Variants in RBM12 observed in about 807,000 individuals in gnomAD.
RBM12 encodes the protein RNA-binding protein 12.
Under a neutral mutation model 37.2 loss-of-function variants are expected in RBM12, and 24 were observed. The observed-to-expected ratio is 0.65, with a 90% confidence interval of 0.47 to 0.91. The LOEUF is 0.91. RBM12 is among the 40% of genes least tolerant of loss of function. The pLI is 0.00. For missense variants in RBM12, 1,061 were observed against 1,183.2 expected, an observed-to-expected ratio of 0.90 and a Z score of 1.52; for synonymous variants, 420 against 425.2, an observed-to-expected ratio of 0.99 and a Z score of 0.15.
At chr20:35,658,802 AAC>A (rs10542710) in intron 2 of RBM12, 126 bp downstream of exon 2, 204,650 of 469,288 alleles carry the variant, frequency 0.44, 26,592 homozygotes, top group Admixed American at 0.51. Context: ...AGCAAACAAA[AAC>A]ACACACACAC....
Position 35,652,586 on chromosome 20 carries a change from C to A in RBM12, c.2737G>T (p.Ala913Ser). 2 of 1,614,178 alleles carry A rather than the reference C, an allele frequency of 1.2e-6. No homozygotes were observed. The highest frequency in any genetic ancestry group is 1.7e-6 in the Non-Finnish European group (2 of 1,180,026). Reference protein sequence around the residue: ...AFESRDEATAAVIDLNDRPIG... With the variant: ...AFESRDEATASVIDLNDRPIG... ...GGCCTGTCATTTAAGTCAATGACAG[C>A]AGCTGTGGCTTCATCCCGAGACTCA... Residue 913 changes from alanine (A) to serine (S), a missense_variant, in exon 3 of 3, where the codon GCT becomes TCT. Coordinates refer to ENST00000374114, the MANE Select transcript of RBM12 (RefSeq NM_006047.6).
At chr20:35,662,681 A>G (rs1028791422) in intron 1 of RBM12, among the ~76,000 whole-genome samples, 1 of 152,224 alleles carries the variant, frequency 6.6e-6, no homozygotes, top group African/African-American at 2.4e-5. Flanking sequence ...AATGGAGTAA[A>G]AACTATCAAC....
Position 35,653,349 on chromosome 20 carries a change from G to C in RBM12, c.1974C>G (p.Pro658=). ...GTCCTGCACTGGGCAGTCCCACACC[G>C]GGCAGTCCCGCATTGGGCATTCCTG... ...AVPGMPNAGL[P]GVGLPSAGLP... is the part of the protein sequence containing the mutation. Residue 658 remains proline (P), a synonymous_variant, in exon 3 of 3, where the codon CCC becomes CCG. Coordinates refer to ENST00000374114, the MANE Select transcript of RBM12 (RefSeq NM_006047.6). 2 of 1,614,012 alleles carry C rather than the reference G, an allele frequency of 1.2e-6. No homozygotes were observed. Among genetic ancestry groups the C allele is most frequent in the Non-Finnish European group, 1.7e-6 (2 of 1,179,972 alleles).
rs1457618659 is a variant in RBM12, at chr20:35,653,195, C to T, written c.2128G>A (p.Val710Ile). The T allele has an allele frequency of 1.9e-6, 3 of 1,613,382 alleles. No individual in the cohort carries two copies. Among genetic ancestry groups the T allele is most frequent in the African/African-American group, 2.7e-5 (2 of 74,932 alleles). ...CCATTATTGGCTTCCTTTGATCCTA[C>T]AGTCAGGAAGGCATGCTCTTCACCT... The part of the protein sequence containing the change: ...AGGEEHAFLT[V>I]GSKEANNGPP... The change falls in exon 3 of 3, where the codon GTA (valine) becomes ATA (isoleucine). Residue 710 changes from valine (V) to isoleucine (I), a missense_variant. This residue lies in a region of RBM12 where 517 missense variants were observed against 534.0 expected (regional missense o/e 0.97). Transcript: ENST00000374114.
rs1233486442 is a variant in RBM12 at position 35,653,811 on chromosome 20, T to C, written c.1512A>G (p.Pro504=). The stretch of plus-strand genomic sequence containing the variant: ...TTTCTAGCATACCTTTCTTAGTAAT[T>C]GGATGAACTTGAATAAAGCGATTGC... ...YMGNRFIQVH[P]ITKKGMLEKI... The change falls in exon 3 of 3, where the codon CCA becomes CCG. Residue 504 remains proline (P), a synonymous_variant. Coordinates refer to ENST00000374114, the MANE Select transcript of RBM12 (RefSeq NM_006047.6). The C allele has an allele frequency of 6.2e-7, 1 of 1,613,936 alleles. No homozygotes were observed. Among genetic ancestry groups the C allele is most frequent in the Non-Finnish European group, 8.5e-7 (1 of 1,180,040 alleles).
At chr20:35,655,486 C>G in intron 2 of RBM12, 142 bp from the exon 3 acceptor site, 2 of 725,968 alleles carry the variant, frequency 2.8e-6, no homozygotes, top group Non-Finnish European at 4.3e-6. Flanking sequence ...TTTAGATATT[C>G]TAAAAACTGA....
chr20:35,654,705 G>A lies in RBM12; in HGVS notation c.618C>T (p.Pro206=), dbSNP rs2033785835. 1.2e-6 allele frequency: 2 copies of A among 1,613,794 alleles called. No individual in the cohort carries two copies. Among genetic ancestry groups the A allele is most frequent in the Non-Finnish European group, 1.7e-6 (2 of 1,179,718 alleles). The change falls in exon 3 of 3, where the codon CCC becomes CCT. Residue 206 remains proline (P), a synonymous_variant. Transcript: ENST00000374114. ...GTACTGGAGGAGGAACTGGAATTGG[G>A]GGAATGGATGGCATTGGTGGCAGAG... The part of the protein sequence containing the change: ...MPSLPPMPSI[P]PIPVPPPVPT...
chr20:35,652,017 A>G lies in RBM12; in HGVS notation c.*507T>C, dbSNP rs1388651731. On this transcript the variant is annotated 3_prime_UTR_variant, in exon 3 of 3. Coordinates refer to ENST00000374114, the MANE Select transcript of RBM12 (RefSeq NM_006047.6). ...CTTAAGAAGCAATAAAGGTACATAC[A>G]ATGAATCTGTATACAGAAATTTTAT... 6.5e-6 allele frequency: 1 copy of G among 153,012 alleles called. No homozygotes were observed. The highest frequency in any genetic ancestry group is 1.5e-5 in the Non-Finnish European group (1 of 68,414). The allele number at this position is 153,012 out of a possible 1,614,324, so 9.5% of individuals were successfully genotyped here.
At chr20:35,657,246 A>G (rs1004584638) in intron 2 of RBM12, among the ~76,000 whole-genome samples, 2 of 152,240 alleles carry the variant, frequency 1.3e-5, no homozygotes, top group Admixed American at 6.5e-5. Flanking sequence ...GCTAAAAAAC[A>G]TCACACCAAC....
rs1201775491 is a variant in RBM12 at position 35,650,976 on chromosome 20, C to A, written c.*1548G>T. ...AGATAAAATTTGGTTTTCATGATCT[C>A]TCATCTATCTCTCCTTCTGTATTGT... On this transcript the variant is annotated 3_prime_UTR_variant, in exon 3 of 3. Coordinates refer to ENST00000374114, the MANE Select transcript of RBM12 (RefSeq NM_006047.6). 1 of 152,508 alleles carries A rather than the reference C, an allele frequency of 6.6e-6. No individual in the cohort carries two copies. The highest frequency in any genetic ancestry group is 6.6e-5 in the Admixed American group (1 of 15,264). The allele number at this position is 152,508 out of a possible 1,614,324, so 9.4% of individuals were successfully genotyped here. A position where few individuals can be genotyped will look rare whatever the true frequency, so the allele number is the denominator to read the frequency against.
In RBM12 at chr20:35,652,698, G is replaced by T; in HGVS notation, c.2625C>A (p.Phe875Leu). 1.2e-6 allele frequency: 2 copies of T among 1,614,144 alleles called. No homozygotes were observed. Among genetic ancestry groups the T allele is most frequent in the Non-Finnish European group, 1.7e-6 (2 of 1,179,982 alleles). Residue 875 changes from phenylalanine to leucine, a missense_variant, in exon 3 of 3, where the codon TTC (phenylalanine) becomes TTA (leucine). Phe to Leu is a conservative substitution (Grantham distance 22). This residue lies in a region of RBM12 where 517 missense variants were observed against 534.0 expected (regional missense o/e 0.97). Transcript: ENST00000374114. ...FTVSIDEILDFFYGYQVIPGS... is the reference protein window; with the variant it reads ...FTVSIDEILDLFYGYQVIPGS... ...CTGGGATTACTTGATAGCCATAAAAGAAATCTAAAATCTCATCAATAGACA... is the reference window on the plus strand; with the variant it reads ...CTGGGATTACTTGATAGCCATAAAATAAATCTAAAATCTCATCAATAGACA...
chr20:35,656,806 C>A (rs1355725187), intron 2 of RBM12, among the ~76,000 whole-genome samples: 2 of 146,904 alleles, frequency 1.4e-5, no homozygotes, highest in African/African-American at 2.4e-5. Flanking sequence ...TGCGCCCCAC[C>A]TGAAAAGTCA....
Position 35,653,479 on chromosome 20 carries a change from A to G in RBM12, c.1844T>C (p.Phe615Ser). 1.2e-6 allele frequency: 2 copies of G among 1,614,222 alleles called. No individual in the cohort carries two copies. Among genetic ancestry groups the G allele is most frequent in the Non-Finnish European group, 1.7e-6 (2 of 1,180,056 alleles). Residue 615 changes from phenylalanine to serine, a missense_variant, in exon 3 of 3, where the codon TTT (phenylalanine) becomes TCT (serine). By Grantham distance (155) the Phe-to-Ser change is radical. Around this residue, in one of 3 missense-constraint regions of RBM12, gnomAD observed 517 missense variants for 534.0 expected, o/e 0.97. Coordinates refer to ENST00000374114, the MANE Select transcript of RBM12 (RefSeq NM_006047.6). Reference protein sequence around the residue: ...HRKKLNGREAFVHVVTLEDMR... With the variant: ...HRKKLNGREASVHVVTLEDMR... ...ATCTTCTAGGGTAACTACATGAACA[A>G]AAGCTTCTCTCCCATTAAGTTTTTT...
chr20:35,658,800 AAAACACACACAC>A lies in RBM12; in HGVS notation c.-23+118_-23+129del, dbSNP rs2034057689. The A allele has an allele frequency of 6.2e-6, 3 of 481,462 alleles. No individual in the cohort carries two copies. In the African/African-American group the frequency reaches 1.0e-4, roughly 16 times the overall value. The allele number at this position is 481,462 out of a possible 1,614,324, so 29.8% of individuals were successfully genotyped here. A position where few individuals can be genotyped will look rare whatever the true frequency, so the allele number is the denominator to read the frequency against. ...TCTCAAAACAAAAAACAAGCAAACA[AAAACACACACAC>A]ACACACACACACACACACACACACA... is the stretch of plus-strand genomic sequence containing the variant. On this transcript the variant is annotated intron_variant, in intron 2 of 2. Coordinates refer to ENST00000374114, the MANE Select transcript of RBM12 (RefSeq NM_006047.6).
At position 35,653,541 on chromosome 20, in the gene RBM12, A is replaced by G. The variant is rs1429979411; in HGVS notation, c.1782T>C (p.Asn594=). ...GTTCAGACTTACGTGCATCATCTTC[A>G]TTTTTAAACTGAACCAATGCCTGTC... The part of the protein sequence containing the change: ...GLGQALVQFK[N]EDDARKSERL... Residue 594 remains asparagine, a synonymous_variant, in exon 3 of 3, where the codon AAT becomes AAC. Transcript: ENST00000374114. 2 of 1,614,070 alleles carry G rather than the reference A, an allele frequency of 1.2e-6. No homozygotes were observed. Among genetic ancestry groups the G allele is most frequent in the Admixed American group, 1.7e-5 (1 of 60,000 alleles).
intron 1 of RBM12, among the ~76,000 whole-genome samples, chr20:35,663,878 A>G (rs539967266): frequency 8.5e-5 from 13 of 152,290 alleles, no homozygotes; most frequent in African/African-American, 3.1e-4. Context: ...GCCAAGCTTC[A>G]GAGAAACTCA....
chr20:35,659,041 A>C (rs1226905274), intron 1 of RBM12, 27 bp from the exon 2 acceptor site: 2 of 716,160 alleles, frequency 2.8e-6, no homozygotes, highest in Non-Finnish European at 5.2e-6. Flanking sequence ...ACGGAGGCAA[A>C]AATCAATGCA....
chr20:35,653,083 A>T lies in RBM12; in HGVS notation c.2240T>A (p.Phe747Tyr). The T allele has an allele frequency of 6.2e-7, 1 of 1,613,864 alleles. No individual in the cohort carries two copies. Among genetic ancestry groups the T allele is most frequent in the South Asian group, 1.1e-5 (1 of 91,088 alleles). The change falls in exon 3 of 3, where the codon TTT (phenylalanine) becomes TAT (tyrosine). Residue 747 changes from phenylalanine (F) to tyrosine (Y), a missense_variant. Coordinates refer to ENST00000374114, the MANE Select transcript of RBM12 (RefSeq NM_006047.6). ...IPPPGLGGGA[F>Y]GDARPGMPSV... is the part of the protein sequence containing the mutation. Reference sequence around the variant, plus strand: ...AGGCATACCAGGCCTAGCATCACCAAAGGCCCCGCCTCCTAATCCTGGAGG... The same window carrying T: ...AGGCATACCAGGCCTAGCATCACCATAGGCCCCGCCTCCTAATCCTGGAGG...
Position 35,652,288 on chromosome 20 carries a change from G to T in RBM12, c.*236C>A, listed in dbSNP as rs894358131. ...AGTTTTACAAATGGTTTCTCTAATG[G>T]TATGCCAAAATCATTTATGTGTTCT... On this transcript the variant is annotated 3_prime_UTR_variant, in exon 3 of 3. Coordinates refer to ENST00000374114, the MANE Select transcript of RBM12 (RefSeq NM_006047.6). 2 of 447,054 alleles carry T rather than the reference G, an allele frequency of 4.5e-6. No homozygotes were observed. Among genetic ancestry groups the T allele is most frequent in the African/African-American group, 2.0e-5 (1 of 49,832 alleles). The allele number at this position is 447,054 out of a possible 1,614,324, so 27.7% of individuals were successfully genotyped here. A position where few individuals can be genotyped will look rare whatever the true frequency, so the allele number is the denominator to read the frequency against.
Sources: allele counts gnomAD v4.1 joint callset (sites outside exome capture counted in the v4.1 genomes callset), GRCh38; gene constraint gnomAD v4.1.1; regional missense constraint gnomAD v4.1.1; transcripts MANE v1.5; gene names NCBI Gene and HGNC (gene_info 2026-07-23, HGNC 2026-07-21).